The following MCF2L2 variants were observed in gnomAD, a reference collection of about 807,000 sequenced individuals.
MCF2L2 encodes probable guanine nucleotide exchange factor MCF2L2.
Under a neutral mutation model 150.2 loss-of-function variants are expected in MCF2L2, and 102 were observed. That is an observed-to-expected ratio of 0.68 (90% confidence interval 0.58 to 0.80). The LOEUF (loss-of-function observed/expected upper bound fraction) is 0.80. MCF2L2 is among the 30% of genes least tolerant of loss of function. The probability of loss-of-function intolerance (pLI) is 0.00; values close to 1 mark genes in which losing one functional copy is unlikely to be tolerated. For missense variants in MCF2L2, 1,256 were observed against 1,372.8 expected, an observed-to-expected ratio of 0.91 and a Z score of 1.34; for synonymous variants, 465 against 491.3, an observed-to-expected ratio of 0.95 and a Z score of 0.71.
intron 21 of MCF2L2, among the ~76,000 whole-genome samples, chr3:183,218,551 C>T (rs998098420): frequency 1.3e-5 from 2 of 152,150 alleles, no homozygotes; most frequent in Non-Finnish European, 2.9e-5. Context: ...AGGATAATAG[C>T]TTGAACCCGG....
At chr3:183,198,291 G>A in intron 25 of MCF2L2, among the ~76,000 whole-genome samples, 1 of 151,962 alleles carries the variant, frequency 6.6e-6, no homozygotes, top group African/African-American at 2.4e-5. Flanking sequence ...CCAAATAGAT[G>A]AATCTCAGAA....
chr3:183,239,171 G>A (rs1324723544), intron 15 of MCF2L2, among the ~76,000 whole-genome samples: 2 of 152,112 alleles, frequency 1.3e-5, no homozygotes, highest in African/African-American at 2.4e-5. Flanking sequence ...CTAGAGGACT[G>A]CACTTAGGAT....
chr3:183,323,404 G>T (rs796720868), intron 5 of MCF2L2, 53 bp from the exon 6 acceptor site: 1 of 857,880 alleles, frequency 1.2e-6, no homozygotes, highest in Non-Finnish European at 2.0e-6. Context: ...TTAAATAATA[G>T]CTCATTTACA....
chr3:183,370,485 C>G (rs988428777), intron 3 of MCF2L2, among the ~76,000 whole-genome samples: 2 of 152,238 alleles, frequency 1.3e-5, no homozygotes, highest in Non-Finnish European at 2.9e-5. Context: ...CTCATAAATT[C>G]AAGCAAAAGT....
In MCF2L2 at chr3:183,338,825, C is replaced by T. The variant is rs761107247; in HGVS notation, c.461G>A (p.Arg154Gln). Reference sequence around the variant, plus strand: ...CGGCACTTTCGTTTTAAACTCATTTCGATAGTATTTAATGCCAATGTCAGT... The same window carrying T: ...CGGCACTTTCGTTTTAAACTCATTTTGATAGTATTTAATGCCAATGTCAGT... Reference protein sequence around the residue: ...TFTDIGIKYYRNEFKTKVPII... With the variant: ...TFTDIGIKYYQNEFKTKVPII... Residue 154 changes from arginine (R) to glutamine (Q), a missense_variant, in exon 5 of 30, where the codon CGA becomes CAA. By Grantham distance (43) the Arg-to-Gln change is conservative. Transcript: ENST00000328913. 40 of 1,602,668 alleles carry T rather than the reference C, an allele frequency of 2.5e-5. No individual in the cohort carries two copies. The highest frequency in any genetic ancestry group is 4.0e-5 in the African/African-American group (3 of 74,856).
intron 27 of MCF2L2, among the ~76,000 whole-genome samples, chr3:183,180,558 C>T (rs918075975): frequency 3.3e-5 from 5 of 152,194 alleles, no homozygotes; most frequent in African/African-American, 1.2e-4. Context: ...ATCTCCCTGG[C>T]AGCCTCTGCC....
chr3:183,370,233 C>T (rs1553789454), intron 3 of MCF2L2, among the ~76,000 whole-genome samples: 2 of 152,258 alleles, frequency 1.3e-5, no homozygotes, highest in Non-Finnish European at 2.9e-5. Flanking sequence ...ATCCCCACCC[C>T]TCATGTATTT....
intron 1 of MCF2L2, 46 bp downstream of exon 1, chr3:183,427,856 T>C: frequency 6.6e-7 from 1 of 1,525,760 alleles, no homozygotes; most frequent in African/African-American, 1.4e-5. Context: ...GAGACCATCC[T>C]CACCCGCCAT....
chr3:183,385,364 G>C (rs1349901248), intron 2 of MCF2L2, among the ~76,000 whole-genome samples: 1 of 152,070 alleles, frequency 6.6e-6, no homozygotes, highest in African/African-American at 2.4e-5. Flanking sequence ...TTGGGGCTCC[G>C]ATCTCTTCCT....
intron 2 of MCF2L2, among the ~76,000 whole-genome samples, chr3:183,383,053 G>C (rs1440947750): frequency 6.6e-6 from 1 of 152,074 alleles, no homozygotes; most frequent in Non-Finnish European, 1.5e-5. Flanking sequence ...CAGGGCCTAG[G>C]ATACTAAATG....
At chr3:183,282,238 G>T (rs2108468270) in intron 14 of MCF2L2, among the ~76,000 whole-genome samples, 1 of 151,608 alleles carries the variant, frequency 6.6e-6, no homozygotes, top group African/African-American at 2.4e-5. Context: ...TGGTACAGTG[G>T]TGCAATCTCA....
chr3:183,401,316 A>T (rs1157105018), intron 1 of MCF2L2, among the ~76,000 whole-genome samples: 1 of 152,240 alleles, frequency 6.6e-6, no homozygotes. Flanking sequence ...CCAATCAGCA[A>T]GTAATAAATG....
At chr3:183,423,220 C>T (rs1194743142) in intron 1 of MCF2L2, among the ~76,000 whole-genome samples, 2 of 152,164 alleles carry the variant, frequency 1.3e-5, no homozygotes, top group Admixed American at 1.3e-4. Context: ...TCTTTCAGTA[C>T]CAACAGCTGA....
intron 2 of MCF2L2, among the ~76,000 whole-genome samples, chr3:183,384,034 G>A (rs895134220): frequency 6.6e-6 from 1 of 152,198 alleles, no homozygotes; most frequent in Non-Finnish European, 1.5e-5. Context: ...GAAACTCAAA[G>A]GAGCCTTCAT....
intron 2 of MCF2L2, among the ~76,000 whole-genome samples, chr3:183,388,836 G>A (rs1713976417): frequency 6.6e-6 from 1 of 152,164 alleles, no homozygotes; most frequent in African/African-American, 2.4e-5. Flanking sequence ...CAGATTAAAT[G>A]TGATTTGGAG....
chr3:183,201,889 G>GT (rs1276493577), intron 25 of MCF2L2, among the ~76,000 whole-genome samples: 1 of 152,234 alleles, frequency 6.6e-6, no homozygotes, highest in Non-Finnish European at 1.5e-5. Flanking sequence ...TAATCATGTG[G>GT]TTTTTGTCTT....
chr3:183,225,905 A>T (rs1723324700), intron 18 of MCF2L2: 1 of 152,228 alleles, frequency 6.6e-6, no homozygotes, highest in Admixed American at 6.5e-5. Flanking sequence ...GGAAAGTGAG[A>T]TTCCAAAGTT....
At chr3:183,187,737 G>T (rs1026995506) in intron 27 of MCF2L2, among the ~76,000 whole-genome samples, 1 of 152,188 alleles carries the variant, frequency 6.6e-6, no homozygotes, top group Admixed American at 6.5e-5. Context: ...AAAGTGCTGG[G>T]ATTACAGGCG....
At chr3:183,373,955 C>G (rs1713033753) in intron 3 of MCF2L2, 1 of 152,480 alleles carries the variant, frequency 6.6e-6, no homozygotes. Flanking sequence ...TCTCCCTCTT[C>G]CTCCTTCCCG....
Sources: allele counts gnomAD v4.1 joint callset (sites outside exome capture counted in the v4.1 genomes callset), GRCh38; gene constraint gnomAD v4.1.1; transcripts MANE v1.5; gene names NCBI Gene and HGNC (gene_info 2026-07-23, HGNC 2026-07-21).